Variants in EXOC4 observed in about 807,000 individuals in gnomAD.
EXOC4 encodes SEC8-like 1.
A neutral mutation model predicts 107.2 loss-of-function variants in EXOC4; 71 were observed. The observed-to-expected ratio is 0.66, with a 90% CI of 0.55 to 0.81. The LOEUF (loss-of-function observed/expected upper bound fraction) is 0.81. EXOC4 is among the 30% of genes least tolerant of loss of function. EXOC4 has a pLI of 0.00. For synonymous variants in EXOC4, 456 were observed against 441.2 expected (o/e 1.03, Z -0.42); for missense variants, 1,108 against 1,189.6 (o/e 0.93, Z 1.01).
intron 10 of EXOC4, among the ~76,000 whole-genome samples, chr7:133,687,543 T>C (rs1041516806): frequency 6.6e-6 from 1 of 152,206 alleles, no homozygotes; most frequent in Non-Finnish European, 1.5e-5. Flanking sequence ...CCGTTTTCTT[T>C]ACAGATTCTT....
chr7:134,082,374 G>C, the EXOC4 span, among the ~76,000 whole-genome samples: 2 of 152,140 alleles, frequency 1.3e-5, no homozygotes, highest in Non-Finnish European at 2.9e-5. Context: ...GATGACCTGA[G>C]GTCACTCACA....
intron 16 of EXOC4, among the ~76,000 whole-genome samples, chr7:134,005,959 A>G (rs973805946): frequency 1.3e-5 from 2 of 152,168 alleles, no homozygotes; most frequent in Non-Finnish European, 2.9e-5. Context: ...CTGTTGGGGT[A>G]TATCTCTCAA....
At chr7:133,421,005 TTGA>T (rs951146182) in intron 7 of EXOC4, among the ~76,000 whole-genome samples, 2 of 151,834 alleles carry the variant, frequency 1.3e-5, no homozygotes, top group African/African-American at 4.8e-5. Flanking sequence ...CTATTCCATT[TTGA>T]TGATAGGGGT....
chr7:133,690,552 C>T (rs1340170456), intron 10 of EXOC4, among the ~76,000 whole-genome samples: 4 of 152,222 alleles, frequency 2.6e-5, no homozygotes, highest in East Asian at 1.9e-4. Flanking sequence ...GGGATTCTGG[C>T]GAATCAAATG....
At chr7:133,971,910 C>T (rs575615826) in intron 14 of EXOC4, among the ~76,000 whole-genome samples, 2 of 152,212 alleles carry the variant, frequency 1.3e-5, no homozygotes, top group East Asian at 3.9e-4. Context: ...ACATCACTTT[C>T]AGAGCTACAT....
intron 10 of EXOC4, among the ~76,000 whole-genome samples, chr7:133,802,267 A>G (rs1219822055): frequency 1.3e-5 from 2 of 152,236 alleles, no homozygotes; most frequent in Non-Finnish European, 2.9e-5. Flanking sequence ...AATGGAAATA[A>G]TTATCACTGT....
intron 11 of EXOC4, among the ~76,000 whole-genome samples, chr7:133,884,775 T>TG (rs1268323004): frequency 1.3e-5 from 2 of 152,132 alleles, no homozygotes; most frequent in Admixed American, 6.6e-5. Context: ...CTAAAGTTGT[T>TG]TTGCTTTTGG....
At chr7:133,952,990 A>G (rs1800727781) in intron 14 of EXOC4, among the ~76,000 whole-genome samples, 1 of 152,214 alleles carries the variant, frequency 6.6e-6, no homozygotes, top group Non-Finnish European at 1.5e-5. Flanking sequence ...CCTGGTTTTC[A>G]GATCATTTGG....
chr7:133,871,884 A>T (rs1228961494), intron 11 of EXOC4, among the ~76,000 whole-genome samples: 1 of 152,204 alleles, frequency 6.6e-6, no homozygotes, highest in African/African-American at 2.4e-5. Context: ...ATAATTTTAA[A>T]AGCACCTACA....
intron 7 of EXOC4, among the ~76,000 whole-genome samples, chr7:133,413,563 T>C (rs1797409002): frequency 6.6e-6 from 1 of 152,182 alleles, no homozygotes; most frequent in African/African-American, 2.4e-5. Context: ...CTACTTTGGA[T>C]GGCTCAAGTG....
At chr7:133,974,116 C>G (rs1427822436) in intron 14 of EXOC4, among the ~76,000 whole-genome samples, 3 of 152,124 alleles carry the variant, frequency 2.0e-5, no homozygotes, top group Non-Finnish European at 4.4e-5. Context: ...TCAGCCCATG[C>G]TTTTTGAGGG....
chr7:133,320,266 A>G (rs889686434), intron 5 of EXOC4, among the ~76,000 whole-genome samples: 5 of 152,196 alleles, frequency 3.3e-5, no homozygotes, highest in Non-Finnish European at 5.9e-5. Context: ...AGTCTAACAC[A>G]AATCTGATAG....
rs139096411 is a variant in EXOC4, at chr7:133,377,053, T to C, written c.1182+2051T>C. 4.9e-3 allele frequency among the ~76,000 whole-genome samples: 744 copies of C among 152,232 alleles called. 4 individuals are homozygous for C. Among genetic ancestry groups the C allele is most frequent in the African/African-American group, 0.017 (703 of 41,544 alleles). ...ATGAAAAAGTTGATAGAAATAAATA[T>C]CTAAAATGAAAAATCCACCAGGGAG... On this transcript the variant is annotated intron_variant, in intron 7 of 17. Transcript: ENST00000253861.
chr7:133,924,907 C>A (rs1800017322), intron 13 of EXOC4, among the ~76,000 whole-genome samples: 1 of 152,210 alleles, frequency 6.6e-6, no homozygotes, highest in African/African-American at 2.4e-5. Flanking sequence ...AGAAAAGTAA[C>A]TTTTAGGTCT....
intron 9 of EXOC4, among the ~76,000 whole-genome samples, chr7:133,561,594 G>T (rs1188560041): frequency 3.3e-5 from 5 of 152,162 alleles, no homozygotes; most frequent in Non-Finnish European, 2.9e-5. Flanking sequence ...TGACTCTACA[G>T]CAGGTTCTTG....
chr7:133,574,327 A>T (rs987788002), intron 9 of EXOC4, among the ~76,000 whole-genome samples: 1 of 152,208 alleles, frequency 6.6e-6, no homozygotes, highest in Non-Finnish European at 1.5e-5. Context: ...ATACACCAAA[A>T]TGCACACACT....
chr7:133,979,637 A>G (rs1287836594), intron 14 of EXOC4, among the ~76,000 whole-genome samples: 7 of 152,022 alleles, frequency 4.6e-5, no homozygotes, highest in African/African-American at 1.7e-4. Context: ...AATACAAAAA[A>G]ATTAGCCGGG....
chr7:133,972,938 G>A (rs1231513065), intron 14 of EXOC4, among the ~76,000 whole-genome samples: 2 of 152,182 alleles, frequency 1.3e-5, no homozygotes, highest in Non-Finnish European at 2.9e-5. Context: ...AATCAGCTGG[G>A]TAGCCACAAC....
chr7:133,653,254 T>A (rs977577811), intron 10 of EXOC4, among the ~76,000 whole-genome samples: 7 of 152,202 alleles, frequency 4.6e-5, no homozygotes, highest in Admixed American at 4.6e-4. Context: ...GATTCTCTAT[T>A]ACTTTGAATT....
Sources: allele counts gnomAD v4.1 joint callset (sites outside exome capture counted in the v4.1 genomes callset), GRCh38; gene constraint gnomAD v4.1.1; transcripts MANE v1.5; gene names NCBI Gene and HGNC (gene_info 2026-07-23, HGNC 2026-07-21).